The following DLG2 variants were observed in gnomAD, a reference collection of about 807,000 sequenced individuals.
DLG2 encodes discs large MAGUK scaffold protein 2, also known as disks large homolog 2.
Under a neutral mutation model 132.5 loss-of-function variants are expected in DLG2, and 45 were observed. That is an observed-to-expected ratio of 0.34 (90% CI 0.27 to 0.44). The LOEUF (loss-of-function observed/expected upper bound fraction) is 0.44. DLG2 is among the 20% of genes least tolerant of loss of function. The pLI, the probability that DLG2 is intolerant of heterozygous loss-of-function variation, is 1.00. For synonymous variants in DLG2, 424 were observed against 419.6 expected, an observed-to-expected ratio of 1.01 and a Z score of -0.13; for missense variants, 1,045 against 1,196.9, an observed-to-expected ratio of 0.87 and a Z score of 1.87.
chr11:85,311,951 A>G (rs940470282), intron 3 of DLG2, among the ~76,000 whole-genome samples: 17 of 152,056 alleles, frequency 1.1e-4, no homozygotes, highest in African/African-American at 4.1e-4. Flanking sequence ...CTCTAGTTAC[A>G]TGTACCTAAT....
At chr11:85,507,499 G>A (rs2153146430) in intron 3 of DLG2, among the ~76,000 whole-genome samples, 1 of 152,260 alleles carries the variant, frequency 6.6e-6, no homozygotes, top group South Asian at 2.1e-4. Context: ...TGAAATTCTG[G>A]ATTGAAAATT....
intron 3 of DLG2, among the ~76,000 whole-genome samples, chr11:85,393,063 TCA>T (rs2086944018): frequency 2.0e-5 from 3 of 152,082 alleles, no homozygotes; most frequent in Admixed American, 2.0e-4. Flanking sequence ...GAGAAAATCT[TCA>T]CAGTCTATAC....
At chr11:84,733,187 T>C (rs1383588750) in intron 6 of DLG2, among the ~76,000 whole-genome samples, 4 of 152,040 alleles carry the variant, frequency 2.6e-5, no homozygotes, top group Non-Finnish European at 5.9e-5. Flanking sequence ...AATGGTATTT[T>C]TAGTTCTAGA....
At chr11:84,962,565 TC>T (rs1394978933) in intron 6 of DLG2, among the ~76,000 whole-genome samples, 6 of 152,212 alleles carry the variant, frequency 3.9e-5, no homozygotes, top group Non-Finnish European at 1.5e-5. Context: ...ACTGATGTGT[TC>T]ATGTCCCTAG....
At chr11:84,313,420 C>T (rs901273801) in intron 7 of DLG2, among the ~76,000 whole-genome samples, 2 of 151,328 alleles carry the variant, frequency 1.3e-5, no homozygotes, top group African/African-American at 4.9e-5. Context: ...AGCCTGTTTA[C>T]TATAATATTA....
intron 6 of DLG2, among the ~76,000 whole-genome samples, chr11:84,623,937 T>A (rs1201404280): frequency 6.6e-6 from 1 of 152,200 alleles, no homozygotes; most frequent in East Asian, 1.9e-4. Flanking sequence ...CCTAAAGTAG[T>A]CCAGTGATTG....
At chr11:84,862,826 G>GA (rs1491568046) in intron 6 of DLG2, among the ~76,000 whole-genome samples, 1 of 128,156 alleles carries the variant, frequency 7.8e-6, no homozygotes, top group East Asian at 3.1e-4. Flanking sequence ...TCGGGGGGGG[G>GA]GGGTGGGGGA....
rs918717387 is a variant in DLG2 at position 85,024,799 on chromosome 11, C to A, written c.357+86862G>T. On this transcript the variant is annotated intron_variant, in intron 6 of 27. Coordinates refer to ENST00000376104, the MANE Select transcript of DLG2 (RefSeq NM_001142699.3). Reference sequence around the variant, plus strand: ...CAAGTTTTGTTTTAGGCTTTCCTAACATATTTTCAGGTCTCTCAGTTAACA... The same window carrying A: ...CAAGTTTTGTTTTAGGCTTTCCTAAAATATTTTCAGGTCTCTCAGTTAACA... 4.6e-5 allele frequency among the ~76,000 whole-genome samples: 7 copies of A among 152,280 alleles called. No individual in the cohort carries two copies. In the East Asian group the frequency reaches 1.2e-3, roughly 25 times the overall value.
chr11:85,209,248 A>G (rs2082094265), intron 4 of DLG2, among the ~76,000 whole-genome samples: 1 of 152,048 alleles, frequency 6.6e-6, no homozygotes, highest in Admixed American at 6.6e-5. Flanking sequence ...AGTTAAGTTC[A>G]ATTTCTCCCA....
chr11:84,098,035 CTTT>C (rs35298703), intron 10 of DLG2, among the ~76,000 whole-genome samples: 3 of 121,842 alleles, frequency 2.5e-5, no homozygotes, highest in African/African-American at 9.7e-5. Context: ...CACCATGTGC[CTTT>C]TTTTTTTTTT....
chr11:85,551,926 G>C (rs2076686999), intron 3 of DLG2, among the ~76,000 whole-genome samples: 1 of 151,872 alleles, frequency 6.6e-6, no homozygotes, highest in East Asian at 1.9e-4. Flanking sequence ...ACAATAAGCA[G>C]AGAAACTAAG....
intron 8 of DLG2, among the ~76,000 whole-genome samples, chr11:84,232,101 G>A (rs1223050874): frequency 6.6e-6 from 1 of 152,038 alleles, no homozygotes; most frequent in African/African-American, 2.4e-5. Context: ...AAGAAAAACT[G>A]CAACACAAGG....
At chr11:83,780,127 T>C (rs971907150) in intron 18 of DLG2, among the ~76,000 whole-genome samples, 2 of 152,244 alleles carry the variant, frequency 1.3e-5, no homozygotes, top group African/African-American at 4.8e-5. Flanking sequence ...CTCATTCATA[T>C]GCATAAGCCT....
intron 3 of DLG2, among the ~76,000 whole-genome samples, chr11:85,513,808 C>T (rs997120833): frequency 6.6e-6 from 1 of 151,864 alleles, no homozygotes; most frequent in African/African-American, 2.4e-5. Flanking sequence ...TATATTTAAC[C>T]TATTGATACT....
chr11:84,554,953 T>A (rs1385384387), intron 6 of DLG2, among the ~76,000 whole-genome samples: 2 of 152,080 alleles, frequency 1.3e-5, no homozygotes, highest in Non-Finnish European at 2.9e-5. Context: ...ACCATGAGAA[T>A]CTTTGTGTTG....
intron 6 of DLG2, among the ~76,000 whole-genome samples, chr11:85,038,816 A>T (rs921387407): frequency 6.6e-5 from 10 of 152,040 alleles, no homozygotes; most frequent in Non-Finnish European, 8.8e-5. Flanking sequence ...ATTAAATTAG[A>T]CACCACATAT....
At chr11:84,602,100 G>A (rs1025766214) in intron 6 of DLG2, among the ~76,000 whole-genome samples, 3 of 151,992 alleles carry the variant, frequency 2.0e-5, no homozygotes, top group African/African-American at 7.2e-5. Context: ...CTTATTAGAT[G>A]TCAGGCTCTG....
chr11:85,030,598 G>T (rs1000757688), intron 6 of DLG2, among the ~76,000 whole-genome samples: 1 of 151,980 alleles, frequency 6.6e-6, no homozygotes, highest in African/African-American at 2.4e-5. Context: ...CTTTATCATA[G>T]GAAGAAAGTT....
chr11:85,085,833 T>C (rs2067851584), intron 6 of DLG2, among the ~76,000 whole-genome samples: 1 of 152,146 alleles, frequency 6.6e-6, no homozygotes, highest in African/African-American at 2.4e-5. Flanking sequence ...ATTGCCTTCC[T>C]AGAAAAGTGC....
Sources: allele counts gnomAD v4.1 joint callset (sites outside exome capture counted in the v4.1 genomes callset), GRCh38; gene constraint gnomAD v4.1.1; transcripts MANE v1.5; gene names NCBI Gene and HGNC (gene_info 2026-07-23, HGNC 2026-07-21).